The following INPP4B variants were observed in gnomAD, a reference collection of about 807,000 sequenced individuals.
INPP4B encodes the protein inositol polyphosphate-4-phosphatase type II B.
A neutral mutation model predicts 122.5 loss-of-function variants in INPP4B; 55 were observed. That is an observed-to-expected ratio of 0.45 (90% CI 0.36 to 0.56). The LOEUF is 0.56. INPP4B is among the 20% of genes least tolerant of loss of function. The probability of loss-of-function intolerance (pLI) is 0.00; values close to 1 mark genes in which losing one functional copy is unlikely to be tolerated. For missense variants in INPP4B, 1,000 were observed against 1,097.7 expected (o/e 0.91, Z 1.26); for synonymous variants, 403 against 388.7 (o/e 1.04, Z -0.43).
At chr4:142,743,591 T>C (rs1388719008) in intron 1 of INPP4B, among the ~76,000 whole-genome samples, 1 of 151,946 alleles carries the variant, frequency 6.6e-6, no homozygotes, top group East Asian at 1.9e-4. Flanking sequence ...AGAGTGGAGA[T>C]ACCTCATTAA....
chr4:142,739,013 A>G (rs1196889541), intron 1 of INPP4B, among the ~76,000 whole-genome samples: 1 of 152,142 alleles, frequency 6.6e-6, no homozygotes, highest in East Asian at 1.9e-4. Flanking sequence ...ACTTTGTAGT[A>G]ATACAGGATT....
At position 142,757,542 on chromosome 4, in the gene INPP4B, C is replaced by G. The variant is rs559317537; in HGVS notation, c.-253-31641G>C. On this transcript the variant is annotated intron_variant, in intron 1 of 25. Coordinates refer to ENST00000262992, the MANE Select transcript of INPP4B (RefSeq NM_001101669.3). ...TAGTTGGAATCATACAGCATATAACCTTTTCATGTTGGCTTCTTTCCCTTA... is the reference window on the plus strand; with the variant it reads ...TAGTTGGAATCATACAGCATATAACGTTTTCATGTTGGCTTCTTTCCCTTA... 3.9e-5 allele frequency among the ~76,000 whole-genome samples: 6 copies of G among 152,208 alleles called. No individual in the cohort carries two copies. The East Asian group carries it at 9.7e-4, about 24-fold the overall frequency.
intron 1 of INPP4B, among the ~76,000 whole-genome samples, chr4:142,786,345 C>G (rs1561067982): frequency 6.6e-6 from 1 of 152,050 alleles, no homozygotes; most frequent in East Asian, 1.9e-4. Context: ...TTGGCCAAAG[C>G]TGGAACAATT....
At chr4:142,364,028 G>T (rs1786482710) in intron 7 of INPP4B, among the ~76,000 whole-genome samples, 1 of 151,922 alleles carries the variant, frequency 6.6e-6, no homozygotes, top group Non-Finnish European at 1.5e-5. Context: ...GAGTGAGGGT[G>T]GGAAGATTCT....
At chr4:142,177,341 C>T (rs897971764) in intron 15 of INPP4B, among the ~76,000 whole-genome samples, 1 of 152,110 alleles carries the variant, frequency 6.6e-6, no homozygotes, top group Non-Finnish European at 1.5e-5. Context: ...ACTTTTCAAA[C>T]ATGTCATATA....
intron 2 of INPP4B, among the ~76,000 whole-genome samples, chr4:142,552,403 T>C (rs1236298044): frequency 6.6e-6 from 1 of 151,390 alleles, no homozygotes; most frequent in Non-Finnish European, 1.5e-5. Context: ...CCTAATTATA[T>C]AGAGAATTCC....
intron 7 of INPP4B, among the ~76,000 whole-genome samples, chr4:142,349,184 T>C (rs1316171771): frequency 6.6e-6 from 1 of 152,088 alleles, no homozygotes; most frequent in African/African-American, 2.4e-5. Flanking sequence ...TGTCTTAACT[T>C]AGATACTGTA....
At chr4:142,180,588 AG>A (rs1830345965) in intron 15 of INPP4B, among the ~76,000 whole-genome samples, 1 of 152,170 alleles carries the variant, frequency 6.6e-6, no homozygotes, top group East Asian at 1.9e-4. Context: ...TATTAATTCA[AG>A]ATGTAGAAAT....
chr4:142,597,779 C>T (rs1056866057), intron 2 of INPP4B, among the ~76,000 whole-genome samples: 5 of 152,128 alleles, frequency 3.3e-5, no homozygotes, highest in Non-Finnish European at 7.4e-5. Context: ...ACAACAAGAT[C>T]TATAATAGGC....
At chr4:142,200,891 A>G (rs892798773) in intron 14 of INPP4B, among the ~76,000 whole-genome samples, 1 of 152,054 alleles carries the variant, frequency 6.6e-6, no homozygotes, top group African/African-American at 2.4e-5. Context: ...TTTTCAACCT[A>G]TCATATTCCA....
intron 4 of INPP4B, among the ~76,000 whole-genome samples, chr4:142,429,438 T>C (rs1348472766): frequency 1.3e-5 from 2 of 152,076 alleles, no homozygotes; most frequent in Non-Finnish European, 2.9e-5. Flanking sequence ...GGTCATTTTA[T>C]CTGTATGGTT....
intron 1 of INPP4B, among the ~76,000 whole-genome samples, chr4:142,828,159 C>T (rs986947662): frequency 4.6e-5 from 7 of 151,862 alleles, no homozygotes; most frequent in Non-Finnish European, 1.0e-4. Flanking sequence ...CTCTCTGTGG[C>T]AAATTAAAAT....
chr4:142,371,554 T>C (rs934495462), intron 7 of INPP4B, among the ~76,000 whole-genome samples: 2 of 151,906 alleles, frequency 1.3e-5, no homozygotes, highest in Admixed American at 1.3e-4. Context: ...CCAGAATATA[T>C]AAGGAGCTCA....
chr4:142,545,719 ATGTGTG>A (rs1273261315), intron 2 of INPP4B, among the ~76,000 whole-genome samples: 395 of 127,114 alleles, frequency 3.1e-3, no homozygotes, highest in African/African-American at 0.011. Context: ...GTGTGTGTAT[ATGTGTG>A]TATATACACA....
At chr4:142,729,639 T>C (rs1202997778) in intron 1 of INPP4B, among the ~76,000 whole-genome samples, 1 of 152,148 alleles carries the variant, frequency 6.6e-6, no homozygotes, top group African/African-American at 2.4e-5. Flanking sequence ...TTTGAGCTTT[T>C]CCTGGTTCTT....
intron 7 of INPP4B, among the ~76,000 whole-genome samples, chr4:142,330,493 T>G (rs1362800891): frequency 6.6e-6 from 1 of 152,192 alleles, no homozygotes; most frequent in African/African-American, 2.4e-5. Context: ...GTAAACTGCC[T>G]GTCAGAACCA....
intron 25 of INPP4B, among the ~76,000 whole-genome samples, chr4:142,062,768 A>G (rs564271528): frequency 2.6e-4 from 38 of 144,102 alleles, no homozygotes; most frequent in African/African-American, 9.3e-4. Flanking sequence ...CAAACAAACA[A>G]ACAAACAGAC....
intron 25 of INPP4B, among the ~76,000 whole-genome samples, chr4:142,042,649 G>C (rs1008919117): frequency 1.6e-4 from 24 of 152,170 alleles, no homozygotes; most frequent in African/African-American, 5.3e-4. Flanking sequence ...TGCAACCTCC[G>C]CCTCCCGGGT....
At chr4:142,047,012 CCT>C (rs142291296) in intron 25 of INPP4B, among the ~76,000 whole-genome samples, 28 of 151,510 alleles carry the variant, frequency 1.8e-4, no homozygotes, top group African/African-American at 5.3e-4. Context: ...TTTCCTTTCT[CCT>C]CTCTCTCTCT....
Sources: allele counts gnomAD v4.1 joint callset (sites outside exome capture counted in the v4.1 genomes callset), GRCh38; gene constraint gnomAD v4.1.1; transcripts MANE v1.5; gene names NCBI Gene and HGNC (gene_info 2026-07-23, HGNC 2026-07-21).